ARIH1: variants seen among roughly 807,000 people sequenced by gnomAD.
The protein encoded by ARIH1 is E3 ubiquitin-protein ligase ARIH1.
Under a neutral mutation model 85.0 loss-of-function variants are expected in ARIH1, and 8 were observed. The observed-to-expected ratio is 0.09, with a 90% CI of 0.06 to 0.17. ARIH1 has a LOEUF of 0.17. Among genes scored for constraint, ARIH1 ranks in the 10% least tolerant of loss-of-function variants. ARIH1 has a pLI of 1.00. For missense variants in ARIH1, 311 were observed against 718.1 expected, an observed-to-expected ratio of 0.43 and a Z score of 6.48; for synonymous variants, 238 against 253.6, an observed-to-expected ratio of 0.94 and a Z score of 0.59.
intron 1 of ARIH1, among the ~76,000 whole-genome samples, chr15:72,476,531 A>AT (rs536212584): frequency 6.6e-5 from 10 of 151,456 alleles, no homozygotes; most frequent in Non-Finnish European, 1.2e-4. Flanking sequence ...TGCTCAGCTA[A>AT]TTTTTTGTAT....
At chr15:72,502,583 T>G (rs2063908281) in intron 1 of ARIH1, among the ~76,000 whole-genome samples, 2 of 152,130 alleles carry the variant, frequency 1.3e-5, no homozygotes, top group Non-Finnish European at 2.9e-5. Context: ...GACAGGCTGA[T>G]TGCTTCAGCC....
intron 1 of ARIH1, among the ~76,000 whole-genome samples, chr15:72,491,635 C>G (rs902691646): frequency 6.6e-6 from 1 of 152,050 alleles, no homozygotes; most frequent in African/African-American, 2.4e-5. Flanking sequence ...GTGAATTGTT[C>G]ACATTTCTCT....
At chr15:72,506,836 GT>G (rs548966122) in intron 1 of ARIH1, among the ~76,000 whole-genome samples, 26 of 149,784 alleles carry the variant, frequency 1.7e-4, no homozygotes, top group Admixed American at 8.0e-4. Flanking sequence ...TAAAAAAGTG[GT>G]TTTTTTTTGT....
intron 1 of ARIH1, among the ~76,000 whole-genome samples, chr15:72,510,883 G>T (rs1010977946): frequency 6.9e-6 from 1 of 145,626 alleles, no homozygotes; most frequent in Admixed American, 7.0e-5. Context: ...ATATCTTTTT[G>T]CCAGTACTGT....
intron 3 of ARIH1, among the ~76,000 whole-genome samples, chr15:72,545,824 G>T (rs1204023618): frequency 6.6e-6 from 1 of 152,154 alleles, no homozygotes; most frequent in Non-Finnish European, 1.5e-5. Flanking sequence ...GTGAGACTCC[G>T]TCTCAAAATA....
At chr15:72,547,603 ATT>A (rs1279934370) in intron 3 of ARIH1, among the ~76,000 whole-genome samples, 2 of 152,162 alleles carry the variant, frequency 1.3e-5, no homozygotes, top group Non-Finnish European at 2.9e-5. Flanking sequence ...GTATTGTATC[ATT>A]TCTCTTACCT....
chr15:72,540,736 G>A (rs763400330), intron 2 of ARIH1, among the ~76,000 whole-genome samples: 11 of 152,124 alleles, frequency 7.2e-5, no homozygotes, highest in Non-Finnish European at 1.6e-4. Flanking sequence ...TGAGGCGAGA[G>A]GATCTCTTGA....
At chr15:72,506,859 G>GT (rs996193088) in intron 1 of ARIH1, among the ~76,000 whole-genome samples, 53 of 150,774 alleles carry the variant, frequency 3.5e-4, no homozygotes, top group African/African-American at 1.2e-3. Context: ...TTTTTTGTTT[G>GT]TTTTTTTACT....
chr15:72,506,366 G>GAAAAAAAAAAAAAAAT (rs1227942202), intron 1 of ARIH1, among the ~76,000 whole-genome samples: 1 of 54,496 alleles, frequency 1.8e-5, no homozygotes, highest in South Asian at 8.9e-4. Flanking sequence ...AAAAAAAAAA[G>GAAAAAAAAAAAAAAAT]AAAAAAAAAA....
intron 11 of ARIH1, among the ~76,000 whole-genome samples, chr15:72,573,276 T>G (rs2064256419): frequency 6.6e-6 from 1 of 152,124 alleles, no homozygotes; most frequent in African/African-American, 2.4e-5. Flanking sequence ...GACTGGGAAA[T>G]ACGGCCGGGC....
intron 3 of ARIH1, among the ~76,000 whole-genome samples, chr15:72,546,628 G>A (rs917049633): frequency 3.9e-5 from 6 of 151,952 alleles, no homozygotes; most frequent in Admixed American, 6.6e-5. Flanking sequence ...GACCACAGGC[G>A]CATGCCACCA....
intron 1 of ARIH1, chr15:72,475,293 G>C (rs2140387162): frequency 2.0e-6 from 1 of 509,874 alleles, no homozygotes; most frequent in East Asian, 4.7e-5. Context: ...GGCAATTTCT[G>C]CCAGTCCCTG....
At chr15:72,541,150 T>G (rs1229413363) in intron 2 of ARIH1, among the ~76,000 whole-genome samples, 1 of 152,148 alleles carries the variant, frequency 6.6e-6, no homozygotes, top group African/African-American at 2.4e-5. Flanking sequence ...AAGGAAGCGG[T>G]GTATCAAGCG....
At chr15:72,545,381 C>T (rs1437773177) in intron 3 of ARIH1, among the ~76,000 whole-genome samples, 1 of 152,200 alleles carries the variant, frequency 6.6e-6, no homozygotes, top group Admixed American at 6.5e-5. Flanking sequence ...CAGAATTCTT[C>T]AGAAGATAAG....
In ARIH1 at chr15:72,551,979, A is replaced by G. The variant is rs529356954; in HGVS notation, c.589-3292A>G. Among the ~76,000 whole-genome samples the G allele has an allele frequency of 1.6e-4, 24 of 152,326 alleles. No homozygotes were observed. The South Asian group carries it at 3.3e-3, about 21-fold the overall frequency. On this transcript the variant is annotated intron_variant, in intron 3 of 13. Transcript: ENST00000379887. ...AGATCAAGGAGTTGGATCATATACT[A>G]CATTGTCATGGGCATGAGAAATCAA... is the stretch of plus-strand genomic sequence containing the variant.
chr15:72,510,467 G>C (rs2063945338), intron 1 of ARIH1, among the ~76,000 whole-genome samples: 1 of 151,940 alleles, frequency 6.6e-6, no homozygotes, highest in African/African-American at 2.4e-5. Context: ...TTAAAAATAT[G>C]TACATCTTAA....
At chr15:72,503,204 G>A (rs937745112) in intron 1 of ARIH1, among the ~76,000 whole-genome samples, 2 of 152,150 alleles carry the variant, frequency 1.3e-5, no homozygotes, top group Non-Finnish European at 2.9e-5. Context: ...GGGAGTTTAT[G>A]TTTTCTTCGT....
At chr15:72,563,522 T>C (rs1462993709) in intron 7 of ARIH1, 22 bp downstream of exon 7, 4 of 1,573,890 alleles carry the variant, frequency 2.5e-6, no homozygotes, top group Non-Finnish European at 2.6e-6. Flanking sequence ...ATTTCCTAAA[T>C]TGAAATAGTG....
chr15:72,566,710 T>TG, intron 8 of ARIH1, 105 bp downstream of exon 8: 1 of 1,017,676 alleles, frequency 9.8e-7, no homozygotes, highest in Non-Finnish European at 1.5e-6. Flanking sequence ...TGATAGATTT[T>TG]TTTTTATCCT....
Sources: allele counts gnomAD v4.1 joint callset (sites outside exome capture counted in the v4.1 genomes callset), GRCh38; gene constraint gnomAD v4.1.1; transcripts MANE v1.5; gene names NCBI Gene and HGNC (gene_info 2026-07-23, HGNC 2026-07-21).